UNC80: variants seen among roughly 807,000 people sequenced by gnomAD.
The protein encoded by UNC80 is unc-80 subunit of NALCN channel complex.
UNC80 carries 164 observed loss-of-function variants against 384.6 expected under a neutral mutation model. The ratio of observed to expected loss-of-function variants is 0.43; its 90% CI spans 0.38 to 0.49. The LOEUF is 0.49. UNC80 is among the 20% of genes least tolerant of loss of function. UNC80 has a pLI of 0.00. For synonymous variants in UNC80, 1,486 were observed against 1,527.8 expected (o/e 0.97, Z 0.64); for missense variants, 3,330 against 4,143.0 (o/e 0.80, Z 5.39).
intron 39 of UNC80, among the ~76,000 whole-genome samples, chr2:209,934,384 A>G (rs2091098992): frequency 6.6e-6 from 1 of 152,188 alleles, no homozygotes; most frequent in African/African-American, 2.4e-5. Flanking sequence ...TGTAAACTCC[A>G]TGAGTGAGGG....
intron 61 of UNC80, among the ~76,000 whole-genome samples, chr2:209,988,258 G>A (rs1034387637): frequency 1.3e-5 from 2 of 152,104 alleles, no homozygotes; most frequent in African/African-American, 4.8e-5. Flanking sequence ...TGTCTTTTGT[G>A]CCACCTCTAC....
chr2:209,922,460 A>C, intron 35 of UNC80, 77 bp downstream of exon 35: 743 of 1,374,512 alleles, frequency 5.4e-4, no homozygotes, highest in Non-Finnish European at 6.6e-4. Context: ...TCATGATCTC[A>C]CTTGATTACA....
At chr2:209,775,837 A>G in intron 2 of UNC80, 52 bp from the exon 3 acceptor site, 1 of 1,568,932 alleles carries the variant, frequency 6.4e-7, no homozygotes, top group South Asian at 1.1e-5. Flanking sequence ...TTCTTAGTTT[A>G]CGTGGTTTTG....
chr2:209,878,016 G>T lies in UNC80; in HGVS notation c.3903G>T (p.Leu1301=). 1 of 1,546,504 alleles carries T rather than the reference G, an allele frequency of 6.5e-7. No homozygotes were observed. Among genetic ancestry groups the T allele is most frequent in the South Asian group, 1.2e-5 (1 of 83,120 alleles). Residue 1301 remains leucine, a synonymous_variant, in exon 24 of 65, where the codon CTG becomes CTT. Transcript: ENST00000673920. ...HGESESPANL[L]GLIYDEETKR... Reference sequence around the variant, plus strand: ...AAAGTGAGAGCCCAGCCAACCTGCTGGGTCTCATTTACGATGAAGAGACCA... The same window carrying T: ...AAAGTGAGAGCCCAGCCAACCTGCTTGGTCTCATTTACGATGAAGAGACCA...
intron 29 of UNC80, among the ~76,000 whole-genome samples, chr2:209,907,130 T>C (rs1269203214): frequency 2.0e-5 from 3 of 152,106 alleles, no homozygotes; most frequent in Non-Finnish European, 4.4e-5. Context: ...CTTACTTCCT[T>C]CTTCAACTAA....
intron 31 of UNC80, among the ~76,000 whole-genome samples, chr2:209,914,219 C>T (rs2089268138): frequency 6.6e-6 from 1 of 152,216 alleles, no homozygotes; most frequent in African/African-American, 2.4e-5. Flanking sequence ...TGCACTTTCA[C>T]TATATTTCAC....
At chr2:209,850,004 C>T (rs186706829) in intron 22 of UNC80, among the ~76,000 whole-genome samples, 1 of 152,142 alleles carries the variant, frequency 6.6e-6, no homozygotes, top group Admixed American at 6.6e-5. Context: ...AATACAGGAA[C>T]TACACAATAA....
At chr2:209,811,783 C>A (rs1217394286) in intron 7 of UNC80, among the ~76,000 whole-genome samples, 1 of 152,018 alleles carries the variant, frequency 6.6e-6, no homozygotes, top group East Asian at 1.9e-4. Flanking sequence ...TGTACACAGG[C>A]AATTGTACCT....
At chr2:209,847,232 A>C (rs917370366) in intron 21 of UNC80, among the ~76,000 whole-genome samples, 42 of 151,992 alleles carry the variant, frequency 2.8e-4, no homozygotes, top group African/African-American at 9.9e-4. Flanking sequence ...CATACACCCC[A>C]AAAATACATT....
At chr2:209,980,223 T>G (rs1299448341) in intron 59 of UNC80, among the ~76,000 whole-genome samples, 1 of 152,206 alleles carries the variant, frequency 6.6e-6, no homozygotes, top group African/African-American at 2.4e-5. Context: ...AGAAAATCAA[T>G]TTTTTCTTTA....
chr2:209,978,466 G>A, intron 58 of UNC80, 63 bp from the exon 59 acceptor site: 1 of 1,363,748 alleles, frequency 7.3e-7, no homozygotes, highest in Non-Finnish European at 9.8e-7. Context: ...GGTCAGGGAG[G>A]ACTTTGAAGT....
In UNC80 at chr2:209,872,736, T is replaced by C. The variant is rs1173161651; in HGVS notation, c.3628-22T>C. On this transcript the variant is annotated intron_variant, in intron 22 of 64. Coordinates refer to ENST00000673920, the MANE Select transcript of UNC80 (RefSeq NM_001371986.1). The surrounding 1 kb of genome is among the most constrained non-coding windows in gnomAD (Gnocchi z 4.1). ...ATTGTTCATTAATCCCACATTATTCTTTCCTAAACAACCCTACACAGGAAG... is the reference window on the plus strand; with the variant it reads ...ATTGTTCATTAATCCCACATTATTCCTTCCTAAACAACCCTACACAGGAAG... 1 of 1,545,598 alleles carries C rather than the reference T, an allele frequency of 6.5e-7. No homozygotes were observed. Among genetic ancestry groups the C allele is most frequent in the Non-Finnish European group, 8.8e-7 (1 of 1,141,574 alleles).
intron 29 of UNC80, among the ~76,000 whole-genome samples, chr2:209,911,839 T>A (rs1338823129): frequency 6.6e-6 from 1 of 152,186 alleles, no homozygotes; most frequent in Non-Finnish European, 1.5e-5. Flanking sequence ...CATTATTCAG[T>A]CCATCCCTTG....
At chr2:209,783,824 T>C (rs1441870665) in intron 4 of UNC80, among the ~76,000 whole-genome samples, 1 of 152,160 alleles carries the variant, frequency 6.6e-6, no homozygotes, top group Non-Finnish European at 1.5e-5. Context: ...CTTCCTGTAT[T>C]TGTAGAGACA....
At chr2:209,867,743 T>G (rs2083957013) in intron 22 of UNC80, among the ~76,000 whole-genome samples, 1 of 152,152 alleles carries the variant, frequency 6.6e-6, no homozygotes, top group Non-Finnish European at 1.5e-5. Context: ...GGACAAATAT[T>G]TCTATCTAGT....
intron 64 of UNC80, 103 bp from the exon 65 acceptor site, chr2:209,995,226 A>G (rs1370128889): frequency 5.9e-5 from 84 of 1,426,328 alleles, no homozygotes; most frequent in Non-Finnish European, 6.9e-5. Flanking sequence ...GGGACTAGCC[A>G]TCTGATTCCT....
At chr2:209,884,143 T>C (rs751120694) in intron 25 of UNC80, among the ~76,000 whole-genome samples, 3 of 152,210 alleles carry the variant, frequency 2.0e-5, no homozygotes, top group Non-Finnish European at 2.9e-5. Context: ...GCAAATTTTT[T>C]CTAAATATTA....
chr2:209,931,593 T>G (rs1449459831), intron 38 of UNC80, among the ~76,000 whole-genome samples: 1 of 152,170 alleles, frequency 6.6e-6, no homozygotes, highest in Non-Finnish European at 1.5e-5. Context: ...TAGAACCTGA[T>G]GACTACACCT....
At chr2:209,956,350 T>C (rs1251449243) in intron 48 of UNC80, among the ~76,000 whole-genome samples, 1 of 152,294 alleles carries the variant, frequency 6.6e-6, no homozygotes, top group African/African-American at 2.4e-5. Flanking sequence ...AGTTGTCAGC[T>C]AGTCTGAACT....
Sources: gnomAD v4.1 joint callset for allele counts (sites outside exome capture counted in the v4.1 genomes callset) on GRCh38, gnomAD v4.1.1 for gene constraint, Gnocchi (gnomAD v3.1) non-coding constraint, MANE v1.5 for transcripts, NCBI Gene and HGNC (gene_info 2026-07-23, HGNC 2026-07-21) for gene names.